NLRP5: variants seen among roughly 807,000 people sequenced by gnomAD.
NLRP5 encodes the protein NLR family pyrin domain containing 5.
In NLRP5, 93 loss-of-function variants were observed where a neutral mutation model predicts 113.1. That is an observed-to-expected ratio of 0.82 (90% CI 0.70 to 0.98). The LOEUF is 0.98. Ranked by LOEUF, NLRP5 falls within the 50% of genes least tolerant of loss-of-function variation. NLRP5 has a pLI of 0.00. For synonymous variants in NLRP5, 751 were observed against 600.7 expected, an observed-to-expected ratio of 1.25 and a Z score of -3.66; for missense variants, 1,808 against 1,514.3, an observed-to-expected ratio of 1.19 and a Z score of -3.22.
chr19:56,013,450 C>G (rs1322210081), intron 3 of NLRP5, among the ~76,000 whole-genome samples: 1 of 151,956 alleles, frequency 6.6e-6, no homozygotes, highest in Non-Finnish European at 1.5e-5. Context: ...CCTCAGCCTC[C>G]CAAAGTGCTG....
chr19:55,994,088 C>A, the NLRP5 span, among the ~76,000 whole-genome samples: 1 of 152,146 alleles, frequency 6.6e-6, no homozygotes, highest in South Asian at 2.1e-4. Context: ...TTTCCACTGA[C>A]AGTGGAAAGG....
chr19:56,011,689 G>GTTT (rs1982198264), intron 3 of NLRP5, among the ~76,000 whole-genome samples: 4 of 147,008 alleles, frequency 2.7e-5, no homozygotes, highest in African/African-American at 9.9e-5. Flanking sequence ...CTTTTCCTAT[G>GTTT]TCTTTTTTTT....
the NLRP5 span, among the ~76,000 whole-genome samples, chr19:55,990,785 A>G: frequency 6.6e-6 from 1 of 152,166 alleles, no homozygotes; most frequent in Non-Finnish European, 1.5e-5. Context: ...AGATGGTGCC[A>G]CTGCATTCCA....
intron 13 of NLRP5, among the ~76,000 whole-genome samples, chr19:56,056,262 A>T (rs1384282421): frequency 1.3e-5 from 2 of 152,192 alleles, no homozygotes; most frequent in Non-Finnish European, 1.5e-5. Flanking sequence ...CTCCTGTAAC[A>T]ATAAAGAAAG....
chr19:56,039,158 T>C (rs1385529017), intron 10 of NLRP5, among the ~76,000 whole-genome samples: 1 of 152,208 alleles, frequency 6.6e-6, no homozygotes, highest in Non-Finnish European at 1.5e-5. Flanking sequence ...TATCGACAGA[T>C]GAGACAGCTT....
In NLRP5 at chr19:56,041,074, G is replaced by GTAGTCTGCAGAGGCTGAT; in HGVS notation, c.2940_2957dup (p.Leu985_Met986insIleSerLeuGlnArgLeu). ...TGTCGATCCATGAGGCTTCCCCACT[G>GTAGTCTGCAGAGGCTGAT]TAGTCTGCAGAGGCTGATGTGAGTC... On this transcript the variant is annotated inframe_insertion, in exon 11 of 15. Transcript: ENST00000390649. The GTAGTCTGCAGAGGCTGAT allele has an allele frequency of 6.2e-7, 1 of 1,613,948 alleles. No individual in the cohort carries two copies. The highest frequency in any genetic ancestry group is 8.5e-7 in the Non-Finnish European group (1 of 1,179,860).
At chr19:56,025,758 C>T (rs1358050723) in intron 6 of NLRP5, among the ~76,000 whole-genome samples, 1 of 151,972 alleles carries the variant, frequency 6.6e-6, no homozygotes, top group Admixed American at 6.6e-5. Flanking sequence ...TGGGGGAAAC[C>T]AAGGGATGGA....
chr19:56,042,316 T>C (rs1335902665), intron 11 of NLRP5, among the ~76,000 whole-genome samples: 1 of 152,188 alleles, frequency 6.6e-6, no homozygotes, highest in Admixed American at 6.5e-5. Context: ...CCAAAAGTTA[T>C]TGGGGTACAG....
chr19:56,050,635 G>A (rs760802517), intron 12 of NLRP5, 47 bp downstream of exon 12: 13 of 1,564,826 alleles, frequency 8.3e-6, no homozygotes, highest in African/African-American at 1.4e-5. Context: ...ACTGGGGTCT[G>A]GAGTTCCTGA....
Position 56,017,373 on chromosome 19 carries a change from G to T in NLRP5, c.565+1575G>T, listed in dbSNP as rs571162567. 2.3e-3 allele frequency among the ~76,000 whole-genome samples: 325 copies of T among 141,708 alleles called. 2 individuals carry two copies. The highest frequency in any genetic ancestry group is 3.0e-3 in the Non-Finnish European group (197 of 65,798). 93.0% of individuals were successfully genotyped at this position (141,708 alleles called of 152,430 possible). A position where few individuals can be genotyped will look rare whatever the true frequency, so the allele number is the denominator to read the frequency against. On this transcript the variant is annotated intron_variant, in intron 4 of 14. Transcript: ENST00000390649. Reference sequence around the variant, plus strand: ...AAAGGGGGTTCTTTCCTACTTTAAGGTGGGAAGTTATATTATATTTCAGAT... The same window carrying T: ...AAAGGGGGTTCTTTCCTACTTTAAGTTGGGAAGTTATATTATATTTCAGAT...
upstream of NLRP5, among the ~76,000 whole-genome samples, chr19:55,998,934 A>C (rs900676554): frequency 6.6e-6 from 1 of 151,414 alleles, no homozygotes; most frequent in Admixed American, 6.6e-5. Context: ...TTTAAAATCT[A>C]CTTTTAGCAA....
At chr19:56,042,289 C>G (rs1983549960) in intron 11 of NLRP5, among the ~76,000 whole-genome samples, 1 of 152,132 alleles carries the variant, frequency 6.6e-6, no homozygotes, top group African/African-American at 2.4e-5. Context: ...AATACAGATG[C>G]AGTTCTCATT....
chr19:56,007,890 C>CGT (rs1981991152), intron 2 of NLRP5, among the ~76,000 whole-genome samples: 1 of 55,136 alleles, frequency 1.8e-5, no homozygotes, highest in African/African-American at 5.5e-5. Flanking sequence ...TGTGTGTGTG[C>CGT]GCGTGCGCGC....
At chr19:56,054,858 T>C (rs952788190) in intron 13 of NLRP5, among the ~76,000 whole-genome samples, 1 of 152,132 alleles carries the variant, frequency 6.6e-6, no homozygotes, top group African/African-American at 2.4e-5. Flanking sequence ...TACTCTAGAA[T>C]GGAATGTTTA....
At chr19:56,016,375 A>T (rs920481427) in intron 4 of NLRP5, among the ~76,000 whole-genome samples, 7 of 151,750 alleles carry the variant, frequency 4.6e-5, no homozygotes, top group Admixed American at 6.6e-5. Context: ...CTGGTCTGGA[A>T]CTCCCGACCT....
chr19:56,002,914 C>G (rs112821608), intron 1 of NLRP5, among the ~76,000 whole-genome samples: 1 of 151,852 alleles, frequency 6.6e-6, no homozygotes, highest in African/African-American at 2.4e-5. Flanking sequence ...TGAATAGTGC[C>G]GCTATAAACT....
At chr19:56,055,760 T>A (rs1300700808) in intron 13 of NLRP5, among the ~76,000 whole-genome samples, 1 of 151,630 alleles carries the variant, frequency 6.6e-6, no homozygotes, top group East Asian at 1.9e-4. Context: ...TTAGCCAGGA[T>A]GGTCTCAATC....
intron 3 of NLRP5, among the ~76,000 whole-genome samples, chr19:56,014,566 A>G (rs374995952): frequency 1.3e-5 from 2 of 152,290 alleles, no homozygotes; most frequent in South Asian, 4.1e-4. Flanking sequence ...ACAGCTCTTA[A>G]AAACATTTAG....
Position 56,058,248 on chromosome 19 carries a change from C to T in NLRP5, c.3308C>T (p.Ala1103Val), listed in dbSNP as rs1599916309. 6.2e-7 allele frequency: 1 copy of T among 1,613,280 alleles called. No individual in the cohort carries two copies. The highest frequency in any genetic ancestry group is 8.5e-7 in the Non-Finnish European group (1 of 1,179,496). The change falls in exon 14 of 15, where the codon GCA becomes GTA. Residue 1103 changes from alanine (A) to valine (V), a missense_variant. Transcript: ENST00000390649. ...GTGTCCTGACCCTGCAGGTTGAAGGCATGTGGACTGACTTCTGATTGCTGT... is the reference window on the plus strand; with the variant it reads ...GTGTCCTGACCCTGCAGGTTGAAGGTATGTGGACTGACTTCTGATTGCTGT...
Sources: gnomAD v4.1 joint callset for allele counts (sites outside exome capture counted in the v4.1 genomes callset) on GRCh38, gnomAD v4.1.1 for gene constraint, MANE v1.5 for transcripts, NCBI Gene and HGNC (gene_info 2026-07-23, HGNC 2026-07-21) for gene names.